The following CCDC178 variants were observed in gnomAD, a reference collection of about 807,000 sequenced individuals.
CCDC178 encodes the protein coiled-coil domain-containing protein 178.
A neutral mutation model predicts 117.4 loss-of-function variants in CCDC178; 126 were observed. That is an observed-to-expected ratio of 1.07 (90% CI 0.93 to 1.24). The LOEUF (loss-of-function observed/expected upper bound fraction) is 1.24. CCDC178 is among the 50% of genes most tolerant of loss of function. The pLI is 0.00. For missense variants in CCDC178, 1,030 were observed against 986.9 expected (o/e 1.04, Z -0.59); for synonymous variants, 283 against 313.4 (o/e 0.90, Z 1.02).
In CCDC178 at chr18:33,348,933, AC is replaced by A. The variant is rs774939246; in HGVS notation, c.413del (p.Ser138MetfsTer2). ...SSTKDLKEDWSVTTPVKEVKP... is the reference protein window; with the variant it reads ...SSTKDLKEDWXVTTPVKEVKP... ...TGACCTCTTTCACTGGTGTAGTTACACTCCAATCTTCTTTCAGGTCTTTTGT... is the reference window on the plus strand; with the variant it reads ...TGACCTCTTTCACTGGTGTAGTTACATCCAATCTTCTTTCAGGTCTTTTGT... On this transcript the variant is annotated frameshift_variant, in exon 8 of 23. Transcript: ENST00000383096. LOFTEE classifies it high-confidence loss of function. 27 of 1,609,686 alleles carry A rather than the reference AC, an allele frequency of 1.7e-5. No individual in the cohort carries two copies. In the African/African-American group the frequency reaches 2.9e-4, roughly 18 times the overall value.
chr18:33,195,177 C>T (rs1266023105), intron 20 of CCDC178, among the ~76,000 whole-genome samples: 1 of 151,272 alleles, frequency 6.6e-6, no homozygotes, highest in African/African-American at 2.4e-5. Flanking sequence ...AAGAAAAATA[C>T]AATTTTAACT....
chr18:32,991,618 AC>A (rs1324715647), intron 21 of CCDC178, among the ~76,000 whole-genome samples: 3 of 151,982 alleles, frequency 2.0e-5, no homozygotes, highest in African/African-American at 7.3e-5. Context: ...TAAATGTTGC[AC>A]CCCTCTTCCA....
At chr18:33,026,008 C>T (rs2056221745) in intron 21 of CCDC178, among the ~76,000 whole-genome samples, 1 of 151,882 alleles carries the variant, frequency 6.6e-6, no homozygotes, top group Admixed American at 6.6e-5. Context: ...AACTATAGTA[C>T]AGTCATACCA....
chr18:33,351,301 T>C (rs1379914024), intron 7 of CCDC178, among the ~76,000 whole-genome samples: 2 of 152,086 alleles, frequency 1.3e-5, no homozygotes, highest in Non-Finnish European at 1.5e-5. Context: ...CAAGTGATTC[T>C]TGTGCTTCAG....
At chr18:33,119,342 G>GA (rs1935672497) in intron 20 of CCDC178, among the ~76,000 whole-genome samples, 2 of 151,774 alleles carry the variant, frequency 1.3e-5, no homozygotes, top group Non-Finnish European at 2.9e-5. Context: ...AAATTTACAA[G>GA]AAAAAAACAA....
intron 21 of CCDC178, among the ~76,000 whole-genome samples, chr18:33,013,660 C>T (rs906959775): frequency 6.6e-6 from 1 of 152,036 alleles, no homozygotes; most frequent in Non-Finnish European, 1.5e-5. Context: ...GCCTTCAGTG[C>T]GGAAATAGAG....
intron 21 of CCDC178, among the ~76,000 whole-genome samples, chr18:33,086,969 GACACACACACACAC>G (rs71949744): frequency 8.1e-4 from 100 of 124,124 alleles, no homozygotes; most frequent in Admixed American, 2.0e-3. Context: ...GCTATTGGTT[GACACACACACACAC>G]ACACACACAC....
chr18:33,042,947 C>A (rs2056576151), intron 21 of CCDC178, among the ~76,000 whole-genome samples: 1 of 151,696 alleles, frequency 6.6e-6, no homozygotes, highest in Non-Finnish European at 1.5e-5. Flanking sequence ...TTATGTAGGA[C>A]AACTGAGCAT....
intron 12 of CCDC178, among the ~76,000 whole-genome samples, chr18:33,268,150 A>G (rs1242111398): frequency 2.0e-5 from 3 of 151,806 alleles, no homozygotes; most frequent in Admixed American, 2.0e-4. Flanking sequence ...GCATTAAATG[A>G]AGTTCACATG....
At chr18:33,410,210 T>C (rs373087212) in intron 3 of CCDC178, among the ~76,000 whole-genome samples, 41 of 152,312 alleles carry the variant, frequency 2.7e-4, no homozygotes, top group African/African-American at 8.9e-4. Flanking sequence ...AACAAACTAT[T>C]AGTCTTTTTA....
chr18:33,088,618 T>C (rs2057417731), intron 21 of CCDC178, among the ~76,000 whole-genome samples: 1 of 152,184 alleles, frequency 6.6e-6, no homozygotes, highest in Admixed American at 6.5e-5. Context: ...ATTAATAATA[T>C]ATTTTGAATA....
At chr18:33,381,752 T>C (rs554211594) in intron 5 of CCDC178, among the ~76,000 whole-genome samples, 1 of 152,344 alleles carries the variant, frequency 6.6e-6, no homozygotes, top group South Asian at 2.1e-4. Flanking sequence ...TGGTGTTCAT[T>C]TGGCACGTAC....
intron 20 of CCDC178, among the ~76,000 whole-genome samples, chr18:33,164,103 CTTT>C (rs34932085): frequency 2.2e-4 from 25 of 111,336 alleles, no homozygotes; most frequent in Non-Finnish European, 2.9e-4. Flanking sequence ...CGCTTACATT[CTTT>C]TTTTTTTTTT....
At chr18:33,050,587 A>G (rs1272751839) in intron 21 of CCDC178, among the ~76,000 whole-genome samples, 5 of 152,222 alleles carry the variant, frequency 3.3e-5, no homozygotes, top group Non-Finnish European at 5.9e-5. Context: ...TATGCAATGC[A>G]GAGTTAACCT....
intron 21 of CCDC178, among the ~76,000 whole-genome samples, chr18:32,986,555 AATAAAGAGATATTTTAG>A (rs2055268069): frequency 6.6e-6 from 1 of 152,134 alleles, no homozygotes; most frequent in Non-Finnish European, 1.5e-5. Context: ...GAACAAGGGT[AATAAAGAGATATTTTAG>A]ATAAACTGAA....
intron 22 of CCDC178, among the ~76,000 whole-genome samples, chr18:32,953,397 G>C (rs553508272): frequency 3.0e-4 from 46 of 152,216 alleles, no homozygotes; most frequent in African/African-American, 1.1e-3. Flanking sequence ...AGCCCTCCAA[G>C]TCTCTAGGAA....
chr18:33,432,791 T>A (rs918861827), intron 2 of CCDC178, among the ~76,000 whole-genome samples: 8 of 152,220 alleles, frequency 5.3e-5, no homozygotes, highest in Non-Finnish European at 1.2e-4. Flanking sequence ...AATTACTTTT[T>A]TAAAGGTATC....
chr18:33,187,573 C>T (rs1240276184), intron 20 of CCDC178, among the ~76,000 whole-genome samples: 2 of 151,914 alleles, frequency 1.3e-5, no homozygotes, highest in African/African-American at 2.4e-5. Context: ...TAAGTATGCA[C>T]CACATACATC....
chr18:33,260,744 A>T (rs950365959), intron 14 of CCDC178, among the ~76,000 whole-genome samples: 2 of 152,150 alleles, frequency 1.3e-5, no homozygotes, highest in Non-Finnish European at 2.9e-5. Flanking sequence ...GTTCCAAAAA[A>T]ATAGACTATT....
Sources: allele counts gnomAD v4.1 joint callset (sites outside exome capture counted in the v4.1 genomes callset), GRCh38; gene constraint gnomAD v4.1.1; transcripts MANE v1.5; gene names NCBI Gene and HGNC (gene_info 2026-07-23, HGNC 2026-07-21).